Variants in MTUS2 observed in about 807,000 individuals in gnomAD.
The protein encoded by MTUS2 is microtubule associated scaffold protein 2.
In MTUS2, 40 loss-of-function variants were observed where a neutral mutation model predicts 114.1. That is an observed-to-expected ratio of 0.35 (90% CI 0.27 to 0.46). MTUS2 has a LOEUF of 0.46. MTUS2 is among the 20% of genes least tolerant of loss of function. MTUS2 has a pLI of 1.00. For missense variants in MTUS2, 1,679 were observed against 1,705.4 expected (o/e 0.98, Z 0.27); for synonymous variants, 688 against 672.0 (o/e 1.02, Z -0.37).
intron 8 of MTUS2, among the ~76,000 whole-genome samples, chr13:29,407,006 G>A (rs1874804913): frequency 6.6e-6 from 1 of 152,224 alleles, no homozygotes; most frequent in Non-Finnish European, 1.5e-5. Flanking sequence ...AGCACTTTGG[G>A]AGGCCAAAGC....
intron 7 of MTUS2, among the ~76,000 whole-genome samples, chr13:29,358,956 G>GA (rs34048029): frequency 0.27 from 37,827 of 139,392 alleles, 5,734 homozygotes; most frequent in African/African-American, 0.41. Context: ...TCTCCTTTAA[G>GA]AAAAAAAAAA....
At chr13:29,441,577 CCA>C (rs1877878190) in intron 9 of MTUS2, among the ~76,000 whole-genome samples, 1 of 152,138 alleles carries the variant, frequency 6.6e-6, no homozygotes, top group Admixed American at 6.5e-5. Context: ...ATCCAGATGC[CCA>C]CATCTGGCCT....
At chr13:29,001,046 A>G (rs1885363002) in intron 2 of MTUS2, among the ~76,000 whole-genome samples, 1 of 152,170 alleles carries the variant, frequency 6.6e-6, no homozygotes, top group Admixed American at 6.5e-5. Context: ...GCCCTTGCCC[A>G]TATGCACATG....
At position 29,303,839 on chromosome 13, in the gene MTUS2, G is replaced by T. The variant is rs148065255; in HGVS notation, c.2807-20774G>T. 2.3e-3 allele frequency among the ~76,000 whole-genome samples: 348 copies of T among 152,240 alleles called. 3 individuals are homozygous for T. Among genetic ancestry groups the T allele is most frequent in the African/African-American group, 8.0e-3 (331 of 41,554 alleles). On this transcript the variant is annotated intron_variant, in intron 6 of 15. Coordinates refer to ENST00000612955, the MANE Select transcript of MTUS2 (RefSeq NM_001033602.4). ...TCAACCCCAAGACACAGAATCATCAGATTCTCCAAGATTAAATGAAAGAAA... is the reference window on the plus strand; with the variant it reads ...TCAACCCCAAGACACAGAATCATCATATTCTCCAAGATTAAATGAAAGAAA...
chr13:29,290,335 G>C (rs1898654046), intron 6 of MTUS2, among the ~76,000 whole-genome samples: 1 of 151,978 alleles, frequency 6.6e-6, no homozygotes, highest in Non-Finnish European at 1.5e-5. Context: ...TTGTTTGTTT[G>C]TTTGTTTGTT....
At chr13:29,157,369 C>T (rs572418313) in intron 5 of MTUS2, among the ~76,000 whole-genome samples, 1 of 152,296 alleles carries the variant, frequency 6.6e-6, no homozygotes, top group East Asian at 1.9e-4. Context: ...CTCACCAGCC[C>T]TTGGTGTTTT....
chr13:28,890,045 A>G (rs1878824412), intron 2 of MTUS2, among the ~76,000 whole-genome samples: 1 of 152,170 alleles, frequency 6.6e-6, no homozygotes, highest in Admixed American at 6.5e-5. Flanking sequence ...GCAACTTTTT[A>G]TTAGACTGTA....
chr13:29,455,063 C>G (rs1474082522), intron 9 of MTUS2, among the ~76,000 whole-genome samples: 3 of 152,212 alleles, frequency 2.0e-5, no homozygotes, highest in Non-Finnish European at 4.4e-5. Context: ...GGGCTACTCA[C>G]CAAACCTGGG....
chr13:29,328,191 A>G (rs1399652430), intron 7 of MTUS2, among the ~76,000 whole-genome samples: 1 of 99,404 alleles, frequency 1.0e-5, no homozygotes, highest in Admixed American at 1.2e-4. Flanking sequence ...CATTTTCCAT[A>G]TATGAAAATA....
At chr13:29,307,287 C>T in intron 6 of MTUS2, 1 of 661,618 alleles carries the variant, frequency 1.5e-6, no homozygotes, top group Non-Finnish European at 2.8e-6. Flanking sequence ...ACTTTGGTAT[C>T]ATGGAAGGAC....
intron 9 of MTUS2, among the ~76,000 whole-genome samples, chr13:29,447,191 C>T (rs985128862): frequency 6.6e-6 from 1 of 152,054 alleles, no homozygotes; most frequent in Admixed American, 6.5e-5. Flanking sequence ...ACATGTGTTT[C>T]CTTGGAGACA....
chr13:29,331,986 T>A (rs1435728923), intron 7 of MTUS2, among the ~76,000 whole-genome samples: 2 of 152,228 alleles, frequency 1.3e-5, no homozygotes, highest in African/African-American at 4.8e-5. Flanking sequence ...GATTTTCTCG[T>A]TAATGTTCAT....
At chr13:28,829,382 AT>A (rs1241931650) in intron 1 of MTUS2, among the ~76,000 whole-genome samples, 1 of 152,080 alleles carries the variant, frequency 6.6e-6, no homozygotes, top group Non-Finnish European at 1.5e-5. Flanking sequence ...AAAAAAAAAA[AT>A]TAGCCAGGCA....
intron 7 of MTUS2, among the ~76,000 whole-genome samples, chr13:29,348,631 C>T (rs997644581): frequency 1.3e-5 from 2 of 152,196 alleles, no homozygotes; most frequent in African/African-American, 4.8e-5. Context: ...GTCTACATGT[C>T]CTACCAGTAG....
intron 5 of MTUS2, among the ~76,000 whole-genome samples, chr13:29,111,769 AT>A (rs548947179): frequency 1.6e-3 from 243 of 147,878 alleles, no homozygotes; most frequent in African/African-American, 3.7e-3. Flanking sequence ...AGATTGATAT[AT>A]TTTTTTTTTT....
At chr13:29,321,536 A>T (rs1263714025) in intron 6 of MTUS2, among the ~76,000 whole-genome samples, 5 of 152,222 alleles carry the variant, frequency 3.3e-5, no homozygotes, top group Non-Finnish European at 7.3e-5. Flanking sequence ...TCCTATGGTA[A>T]GTTTTGCCAG....
chr13:29,129,575 G>GCT, intron 5 of MTUS2, among the ~76,000 whole-genome samples: 1 of 58,858 alleles, frequency 1.7e-5, no homozygotes, highest in Non-Finnish European at 4.5e-5. Flanking sequence ...TTTTTTTATT[G>GCT]ATATATTTGT....
rs981829124 is a variant in MTUS2 at position 29,151,462 on chromosome 13, G to T, written c.2644+50492G>T. ...TGGAGTAATGTATAGGGTTTTCAAG[G>T]TATATGATCGTATCAGTGAAGAGGG... is the stretch of plus-strand genomic sequence containing the variant. On this transcript the variant is annotated intron_variant, in intron 5 of 15. Transcript: ENST00000612955. Among the ~76,000 whole-genome samples, 11 of 152,208 alleles carry T rather than the reference G, an allele frequency of 7.2e-5. No individual in the cohort carries two copies. In the East Asian group the frequency reaches 1.9e-3, roughly 27 times the overall value.
At chr13:29,488,241 T>C (rs763296893) in intron 11 of MTUS2, 4 of 518,802 alleles carry the variant, frequency 7.7e-6, no homozygotes, top group Non-Finnish European at 1.0e-5. Context: ...ATACTGGAAT[T>C]CCCCGTCCCC....
Sources: allele counts gnomAD v4.1 joint callset (sites outside exome capture counted in the v4.1 genomes callset), GRCh38; gene constraint gnomAD v4.1.1; transcripts MANE v1.5; gene names NCBI Gene and HGNC (gene_info 2026-07-23, HGNC 2026-07-21).